FXR1: variants seen among roughly 807,000 people sequenced by gnomAD.
FXR1 encodes the protein FMR1 autosomal homolog 1.
In FXR1, 15 loss-of-function variants were observed where a neutral mutation model predicts 84.0. The ratio of observed to expected loss-of-function variants is 0.18; its 90% CI spans 0.12 to 0.27. The LOEUF is 0.27. Ranked by LOEUF, FXR1 falls within the 10% of genes least tolerant of loss-of-function variation. FXR1 has a pLI of 1.00. For synonymous variants in FXR1, 245 were observed against 250.7 expected (o/e 0.98, Z 0.21); for missense variants, 480 against 774.4 (o/e 0.62, Z 4.51).
intron 1 of FXR1, among the ~76,000 whole-genome samples, chr3:180,921,373 A>T (rs1002736208): frequency 1.5e-4 from 12 of 82,518 alleles, no homozygotes; most frequent in African/African-American, 3.2e-4. Flanking sequence ...AACTCCATCT[A>T]AAAAAAAAAA....
At chr3:180,972,895 A>G (rs1713764321) in intron 15 of FXR1, among the ~76,000 whole-genome samples, 2 of 152,190 alleles carry the variant, frequency 1.3e-5, no homozygotes, top group African/African-American at 4.8e-5. Context: ...CAGTTCTAGG[A>G]GGCAGCCTCC....
chr3:180,943,432 A>G (rs192367287), intron 3 of FXR1, among the ~76,000 whole-genome samples: 313 of 150,654 alleles, frequency 2.1e-3, no homozygotes, highest in African/African-American at 7.2e-3. Context: ...ATGCCCAGCT[A>G]ATTTTTGTAC....
chr3:180,940,215 G>A (rs1343647457), intron 3 of FXR1, among the ~76,000 whole-genome samples: 1 of 151,982 alleles, frequency 6.6e-6, no homozygotes, highest in African/African-American at 2.4e-5. Flanking sequence ...TTTTAAAAAT[G>A]GTGTCATCTC....
At chr3:180,943,006 G>A (rs978779507) in intron 3 of FXR1, among the ~76,000 whole-genome samples, 8 of 151,972 alleles carry the variant, frequency 5.3e-5, no homozygotes, top group Admixed American at 4.6e-4. Context: ...CTTGCTTGTC[G>A]ACCAGGCTGG....
intron 16 of FXR1, among the ~76,000 whole-genome samples, chr3:180,975,759 A>T (rs1714159956): frequency 6.6e-6 from 1 of 152,196 alleles, no homozygotes; most frequent in Non-Finnish European, 1.5e-5. Flanking sequence ...AGTATTTGAT[A>T]TGTAAATGTG....
At chr3:180,953,997 C>A (rs1007520407) in intron 9 of FXR1, 157 bp downstream of exon 9, 1 of 550,870 alleles carries the variant, frequency 1.8e-6, no homozygotes, top group East Asian at 3.0e-5. Context: ...TTGGTGATAA[C>A]ATTTTGTGTA....
chr3:180,916,184 AAAC>A (rs955951509), intron 1 of FXR1, among the ~76,000 whole-genome samples: 8 of 152,210 alleles, frequency 5.3e-5, no homozygotes, highest in African/African-American at 1.9e-4. Flanking sequence ...ATATTCTATA[AAAC>A]AACCTTTTTT....
At position 180,979,235 on chromosome 3, in the gene FXR1, C is replaced by G. The variant is rs1051295270; in HGVS notation, c.*2943C>G. ...TTTGTATCCTCTGCAAACAGATTTA[C>G]GCTTTTGAGGCTCAAACCAACTAGT... is the stretch of plus-strand genomic sequence containing the variant. On this transcript the variant is annotated 3_prime_UTR_variant, in exon 17 of 17. Coordinates refer to ENST00000357559, the MANE Select transcript of FXR1 (RefSeq NM_005087.4). 1 of 152,088 alleles carries G rather than the reference C, an allele frequency of 6.6e-6. No homozygotes were observed. Among genetic ancestry groups the G allele is most frequent in the Non-Finnish European group, 1.5e-5 (1 of 67,984 alleles). 9.4% of individuals were successfully genotyped at this position (152,088 alleles called of 1,614,324 possible).
chr3:180,968,055 A>G lies in FXR1; in HGVS notation c.1203A>G (p.Thr401=). The G allele has an allele frequency of 1.9e-6, 3 of 1,605,310 alleles. No homozygotes were observed. The highest frequency in any genetic ancestry group is 2.6e-6 in the Non-Finnish European group (3 of 1,172,024). The change falls in exon 14 of 17, where the codon ACA becomes ACG. Residue 401 remains threonine (T), a synonymous_variant. Coordinates refer to ENST00000357559, the MANE Select transcript of FXR1 (RefSeq NM_005087.4). ...TATGTTCTTTTCTTTTCCAAGGTAC[A>G]AATTCTGAGCTGTCTAACCCCTCTG... is the stretch of plus-strand genomic sequence containing the variant. ...RGPNYTSGYG[T]NSELSNPSET... is the part of the protein sequence containing the mutation.
chr3:180,973,051 T>G (rs1713780281), intron 15 of FXR1, among the ~76,000 whole-genome samples: 1 of 152,244 alleles, frequency 6.6e-6, no homozygotes, highest in Admixed American at 6.5e-5. Context: ...TGGTGTCCAG[T>G]TGATTAACTT....
At chr3:180,947,196 C>T (rs1366377846) in intron 3 of FXR1, among the ~76,000 whole-genome samples, 1 of 152,044 alleles carries the variant, frequency 6.6e-6, no homozygotes, top group African/African-American at 2.4e-5. Flanking sequence ...TTACAGGCAC[C>T]TGCCACCATG....
At chr3:180,970,087 T>TTA in intron 14 of FXR1, 71 bp from the exon 15 acceptor site, 1 of 809,104 alleles carries the variant, frequency 1.2e-6, no homozygotes, top group Non-Finnish European at 2.2e-6. Flanking sequence ...TTGATATAGT[T>TTA]CAATATAGAT....
At chr3:180,971,013 G>A (rs1386039566) in intron 15 of FXR1, 23 of 424,604 alleles carry the variant, frequency 5.4e-5, no homozygotes, top group Non-Finnish European at 8.1e-5. Context: ...AAGGAAAGAA[G>A]GTTTTTTTGT....
intron 9 of FXR1, among the ~76,000 whole-genome samples, chr3:180,954,337 G>T (rs1038992624): frequency 3.9e-5 from 6 of 152,178 alleles, no homozygotes; most frequent in African/African-American, 1.2e-4. Flanking sequence ...AGAATAATAA[G>T]AAGTTGTGGG....
intron 1 of FXR1, among the ~76,000 whole-genome samples, chr3:180,923,415 A>G (rs1158035101): frequency 6.6e-6 from 1 of 152,120 alleles, no homozygotes; most frequent in Non-Finnish European, 1.5e-5. Context: ...TCCTTACATT[A>G]CTGTCTTGGA....
intron 1 of FXR1, among the ~76,000 whole-genome samples, chr3:180,918,046 T>C (rs535563117): frequency 6.6e-6 from 1 of 151,976 alleles, no homozygotes; most frequent in East Asian, 1.9e-4. Context: ...ACGAAAAATA[T>C]GAAAGCAGAA....
chr3:180,924,389 A>G (rs1466423713), intron 1 of FXR1, among the ~76,000 whole-genome samples: 3 of 152,176 alleles, frequency 2.0e-5, no homozygotes, highest in African/African-American at 4.8e-5. Context: ...GCCTTATTGC[A>G]TCGGGCTGTA....
Position 180,948,381 on chromosome 3 carries a change from C to A in FXR1, c.305C>A (p.Thr102Asn). ...ATTGAATATGCTGCTTGTGACGCTACTTACAATGAAATAGTCACATTTGAA... is the reference window on the plus strand; with the variant it reads ...ATTGAATATGCTGCTTGTGACGCTAATTACAATGAAATAGTCACATTTGAA... ...YVIEYAACDA[T>N]YNEIVTFERL... Residue 102 changes from threonine (T) to asparagine (N), a missense_variant, in exon 5 of 17, where the codon ACT (threonine) becomes AAT (asparagine). Thr to Asn is a moderately conservative substitution (Grantham distance 65). Around this residue, in one of 6 missense-constraint regions of FXR1, gnomAD observed 136 missense variants for 315.4 expected, o/e 0.43. Coordinates refer to ENST00000357559, the MANE Select transcript of FXR1 (RefSeq NM_005087.4). 1 of 1,605,630 alleles carries A rather than the reference C, an allele frequency of 6.2e-7. No homozygotes were observed. The highest frequency in any genetic ancestry group is 8.5e-7 in the Non-Finnish European group (1 of 1,172,692).
At chr3:180,913,701 TTTCTC>T (rs1717526923) in intron 1 of FXR1, among the ~76,000 whole-genome samples, 1 of 152,184 alleles carries the variant, frequency 6.6e-6, no homozygotes, top group South Asian at 2.1e-4. Context: ...ATAGCGTTCT[TTTCTC>T]CTTATTTTCC....
Sources: allele counts gnomAD v4.1 joint callset (sites outside exome capture counted in the v4.1 genomes callset), GRCh38; gene constraint gnomAD v4.1.1; regional missense constraint gnomAD v4.1.1; transcripts MANE v1.5; gene names NCBI Gene and HGNC (gene_info 2026-07-23, HGNC 2026-07-21).